Variants in RIMBP2 observed in about 807,000 individuals in gnomAD.
RIMBP2 encodes the protein RIMS binding protein 2, also known as RIMS-binding protein 2.
In RIMBP2, 48 loss-of-function variants were observed where a neutral mutation model predicts 118.6. The ratio of observed to expected loss-of-function variants is 0.40; its 90% CI spans 0.32 to 0.51. The LOEUF (loss-of-function observed/expected upper bound fraction) is 0.51, where lower values mean the gene tolerates loss of function less well. RIMBP2 is among the 20% of genes least tolerant of loss of function. The pLI is 0.41. For synonymous variants in RIMBP2, 762 were observed against 742.9 expected, an observed-to-expected ratio of 1.03 and a Z score of -0.42; for missense variants, 1,551 against 1,768.3, an observed-to-expected ratio of 0.88 and a Z score of 2.20.
At chr12:130,656,838 G>A (rs2063451971) in intron 1 of RIMBP2, among the ~76,000 whole-genome samples, 1 of 152,256 alleles carries the variant, frequency 6.6e-6, no homozygotes. Flanking sequence ...GAGCCTGGGG[G>A]GAGGAGGTTG....
At chr12:130,596,353 C>T (rs1203423120) in intron 2 of RIMBP2, among the ~76,000 whole-genome samples, 2 of 152,154 alleles carry the variant, frequency 1.3e-5, no homozygotes, top group Non-Finnish European at 2.9e-5. Flanking sequence ...GCTGACAAAA[C>T]CCAGAAAGGG....
At chr12:130,604,728 C>CGTG (rs768557814) in intron 2 of RIMBP2, among the ~76,000 whole-genome samples, 1 of 47,672 alleles carries the variant, frequency 2.1e-5, no homozygotes, top group Non-Finnish European at 4.3e-5. Flanking sequence ...GGACTACAGG[C>CGTG]ACCACCACCA....
rs35127958 is a variant in RIMBP2 at position 130,601,335 on chromosome 12, C to CAAAA, written c.-217+26983_-217+26986dup. ...TGGGGATGGGGTCAAAGAGGGCAGGCAAAAAAAAAAAAAAAAAAAAAAAAA... is the reference window on the plus strand; with the variant it reads ...TGGGGATGGGGTCAAAGAGGGCAGGCAAAAAAAAAAAAAAAAAAAAAAAAAAAAA... On this transcript the variant is annotated intron_variant, in intron 2 of 22. Coordinates refer to ENST00000690449, the MANE Select transcript of RIMBP2 (RefSeq NM_001393629.1). 1.7e-3 allele frequency among the ~76,000 whole-genome samples: 107 copies of CAAAA among 63,042 alleles called. 4 individuals are homozygous for CAAAA. The highest frequency in any genetic ancestry group is 3.5e-3 in the African/African-American group (67 of 19,342). 41.4% of individuals were successfully genotyped at this position (63,042 alleles called of 152,430 possible). A position where few individuals can be genotyped will look rare whatever the true frequency, so the allele number is the denominator to read the frequency against.
chr12:130,626,005 T>C (rs2061598308), intron 2 of RIMBP2, among the ~76,000 whole-genome samples: 1 of 152,214 alleles, frequency 6.6e-6, no homozygotes, highest in South Asian at 2.1e-4. Context: ...TCATAAATTA[T>C]ATTCATTGAA....
At chr12:130,612,871 C>A (rs1158938328) in intron 2 of RIMBP2, among the ~76,000 whole-genome samples, 2 of 152,062 alleles carry the variant, frequency 1.3e-5, no homozygotes, top group East Asian at 1.9e-4. Flanking sequence ...AGAGAGAGTC[C>A]GGATGGGTAA....
intron 6 of RIMBP2, among the ~76,000 whole-genome samples, chr12:130,459,309 T>C (rs1172086550): frequency 2.7e-5 from 4 of 147,838 alleles, no homozygotes; most frequent in African/African-American, 7.5e-5. Context: ...AAAGAGTGGA[T>C]ATAAACACTC....
intron 5 of RIMBP2, among the ~76,000 whole-genome samples, chr12:130,476,086 A>G (rs1484520749): frequency 3.3e-5 from 5 of 152,066 alleles, no homozygotes; most frequent in African/African-American, 7.2e-5. Context: ...TCTTAGAGTC[A>G]CCTGTGATGT....
At chr12:130,672,246 G>A (rs1424757055) in intron 1 of RIMBP2, among the ~76,000 whole-genome samples, 1 of 152,242 alleles carries the variant, frequency 6.6e-6, no homozygotes, top group Non-Finnish European at 1.5e-5. Flanking sequence ...TGGAGACAAA[G>A]ATAAATATGT....
chr12:130,474,190 T>C (rs2081246882), intron 5 of RIMBP2, among the ~76,000 whole-genome samples: 1 of 152,130 alleles, frequency 6.6e-6, no homozygotes, highest in Non-Finnish European at 1.5e-5. Context: ...ACCACGGGCA[T>C]GTTAGCCTCA....
intron 4 of RIMBP2, among the ~76,000 whole-genome samples, chr12:130,493,990 A>AT (rs1352503683): frequency 6.6e-6 from 1 of 152,168 alleles, no homozygotes; most frequent in African/African-American, 2.4e-5. Flanking sequence ...CACAAAGCTG[A>AT]GAGGCCCTGG....
At chr12:130,637,914 T>C (rs537199154) in intron 1 of RIMBP2, among the ~76,000 whole-genome samples, 1 of 152,106 alleles carries the variant, frequency 6.6e-6, no homozygotes, top group African/African-American at 2.4e-5. Context: ...AATAAGTTAT[T>C]TGGGGACTTT....
chr12:130,621,124 A>G lies in RIMBP2; in HGVS notation c.-217+7198T>C, dbSNP rs1163208377. Among the ~76,000 whole-genome samples the G allele has an allele frequency of 2.6e-5, 4 of 152,258 alleles. No homozygotes were observed. The highest frequency in any genetic ancestry group is 5.9e-5 in the Non-Finnish European group (4 of 68,014). On this transcript the variant is annotated intron_variant, in intron 2 of 22. Transcript: ENST00000690449. This position sits in a 1 kb window ranked among gnomAD's most constrained non-coding sequence, Gnocchi z 6.6. ...TTTACCAGCACCCTGGGAGCTGGTC[A>G]TTCCTACGTGGAAAGTGACCTTAGG...
At chr12:130,439,826 T>TGC (rs2077950858) in intron 11 of RIMBP2, among the ~76,000 whole-genome samples, 1 of 86,420 alleles carries the variant, frequency 1.2e-5, no homozygotes, top group African/African-American at 5.4e-5. Flanking sequence ...GGTGTCTGTG[T>TGC]GTGTGTGTAT....
intron 2 of RIMBP2, among the ~76,000 whole-genome samples, chr12:130,589,010 T>C (rs2059094693): frequency 6.6e-6 from 1 of 152,260 alleles, no homozygotes; most frequent in Non-Finnish European, 1.5e-5. Flanking sequence ...ACTCGGGACG[T>C]CAGCCTTCTG....
chr12:130,534,142 G>C (rs934491549), intron 2 of RIMBP2, among the ~76,000 whole-genome samples: 7 of 142,950 alleles, frequency 4.9e-5, no homozygotes, highest in Non-Finnish European at 1.1e-4. Flanking sequence ...CTTCAGCCTG[G>C]ATGACAGAGC....
At position 130,424,498 on chromosome 12, in the gene RIMBP2, T is replaced by TC; in HGVS notation, c.2772dup (p.Ser925GlufsTer2). ...CCAAACCGCGACTCGTCCTCTTCAC[T>TC]CCCACAGTCCAGGCCGCTGTCCGGG... On this transcript the variant is annotated frameshift_variant, in exon 16 of 23. Transcript: ENST00000690449. LOFTEE classifies it high-confidence loss of function. The surrounding 1 kb of genome is among the most constrained non-coding windows in gnomAD (Gnocchi z 9.8). The TC allele has an allele frequency of 8.1e-7, 1 of 1,232,000 alleles. No individual in the cohort carries two copies. The highest frequency in any genetic ancestry group is 1.0e-6 in the Non-Finnish European group (1 of 987,848). 76.3% of individuals were successfully genotyped at this position (1,232,000 alleles called of 1,614,324 possible).
Position 130,450,660 on chromosome 12 carries a change from C to G in RIMBP2, c.505-384G>C, listed in dbSNP as rs1201799897. ...ACCCCCCAGTGATCCCACTCTCACTCCCCCTAGTGCATTCCCCACACAAGC... is the reference window on the plus strand; with the variant it reads ...ACCCCCCAGTGATCCCACTCTCACTGCCCCTAGTGCATTCCCCACACAAGC... On this transcript the variant is annotated intron_variant, in intron 8 of 22. Transcript: ENST00000690449. The surrounding 1 kb of genome is among the most constrained non-coding windows in gnomAD (Gnocchi z 4.8). Among the ~76,000 whole-genome samples, 1 of 148,790 alleles carries G rather than the reference C, an allele frequency of 6.7e-6. No individual in the cohort carries two copies. The highest frequency in any genetic ancestry group is 1.5e-5 in the Non-Finnish European group (1 of 67,318).
chr12:130,577,923 T>A (rs10848152), intron 2 of RIMBP2, among the ~76,000 whole-genome samples: 1 of 152,310 alleles, frequency 6.6e-6, no homozygotes, highest in East Asian at 1.9e-4. Context: ...GGTAACTATA[T>A]GCCGATTAGC....
intron 4 of RIMBP2, among the ~76,000 whole-genome samples, chr12:130,503,970 A>G (rs1031224455): frequency 6.6e-6 from 1 of 152,218 alleles, no homozygotes; most frequent in Non-Finnish European, 1.5e-5. Flanking sequence ...GAAGTCATCA[A>G]TTATCATTTT....
Sources: gnomAD v4.1 joint callset for allele counts (sites outside exome capture counted in the v4.1 genomes callset) on GRCh38, gnomAD v4.1.1 for gene constraint, Gnocchi (gnomAD v3.1) non-coding constraint, MANE v1.5 for transcripts, NCBI Gene and HGNC (gene_info 2026-07-23, HGNC 2026-07-21) for gene names.